The following GSN variants were observed in gnomAD, a reference collection of about 807,000 sequenced individuals.
GSN encodes the protein gelsolin, also known as actin-depolymerizing factor.
A neutral mutation model predicts 85.7 loss-of-function variants in GSN; 56 were observed. That is an observed-to-expected ratio of 0.65 (90% CI 0.53 to 0.82). The LOEUF (loss-of-function observed/expected upper bound fraction) is 0.82, where lower values mean the gene tolerates loss of function less well. Among genes scored for constraint, GSN ranks in the 40% least tolerant of loss-of-function variants. The pLI is 0.00. For missense variants in GSN, 857 were observed against 979.8 expected (o/e 0.87, Z 1.67); for synonymous variants, 373 against 399.1 (o/e 0.93, Z 0.78).
intron 5 of GSN, among the ~76,000 whole-genome samples, chr9:121,237,552 A>AAAAC (rs894604128): frequency 2.0e-5 from 3 of 152,286 alleles, no homozygotes; most frequent in Non-Finnish European, 2.9e-5. Context: ...CTCTGCCTCA[A>AAAAC]AAACAAACAA....
At chr9:121,315,253 A>C (rs753013261) in intron 7 of GSN, among the ~76,000 whole-genome samples, 1 of 152,170 alleles carries the variant, frequency 6.6e-6, no homozygotes, top group Admixed American at 6.5e-5. Flanking sequence ...TCTATAATAA[A>C]TCTCAACACG....
chr9:121,201,798 T>C, the GSN span: 2 of 152,500 alleles, frequency 1.3e-5, no homozygotes, highest in East Asian at 3.9e-4. Flanking sequence ...CCGGCAGCAG[T>C]AGCGGCAGTA....
chr9:121,215,889 T>C (rs1185810104), intron 4 of GSN, among the ~76,000 whole-genome samples: 1 of 152,108 alleles, frequency 6.6e-6, no homozygotes, highest in African/African-American at 2.4e-5. Flanking sequence ...CTATAATTGT[T>C]TGTAATTTAT....
intron 10 of GSN, 46 bp from the exon 11 acceptor site, chr9:121,321,222 G>T: frequency 6.2e-7 from 1 of 1,609,540 alleles, no homozygotes; most frequent in Non-Finnish European, 8.5e-7. Flanking sequence ...CTGAGCTGGG[G>T]GGTGGGGGTG....
At chr9:121,313,813 A>G in intron 6 of GSN, 121 bp from the exon 7 acceptor site, 1 of 803,578 alleles carries the variant, frequency 1.2e-6, no homozygotes, top group Non-Finnish European at 2.2e-6. Context: ...GGAGGAGGTC[A>G]GACTCCATGG....
At chr9:121,235,167 A>T (rs2054469005) in intron 5 of GSN, among the ~76,000 whole-genome samples, 1 of 152,220 alleles carries the variant, frequency 6.6e-6, no homozygotes, top group African/African-American at 2.4e-5. Context: ...GTTTGGCTTT[A>T]GCAATCTCGC....
intron 5 of GSN, chr9:121,311,923 A>G (rs1169913582): frequency 9.1e-6 from 2 of 219,710 alleles, no homozygotes; most frequent in African/African-American, 4.6e-5. Context: ...TTCTTGCACA[A>G]GTCTTTTGGT....
At position 121,314,630 on chromosome 9, in the gene GSN, T is replaced by C. The variant is rs139466190; in HGVS notation, c.753+607T>C. Among the ~76,000 whole-genome samples, 653 of 152,300 alleles carry C rather than the reference T, an allele frequency of 4.3e-3. 2 individuals are homozygous for C. The highest frequency in any genetic ancestry group is 0.015 in the African/African-American group (603 of 41,562). On this transcript the variant is annotated intron_variant, in intron 7 of 17. Coordinates refer to ENST00000432226, the MANE Select transcript of GSN (RefSeq NM_198252.3). ...AAAACTACTACATTATCGATTTTTT[T>C]TCTGATTATGAAGTAATACATGTTT...
chr9:121,320,333 C>T (rs528592163), intron 10 of GSN, among the ~76,000 whole-genome samples: 17 of 152,300 alleles, frequency 1.1e-4, no homozygotes, highest in African/African-American at 3.8e-4. Context: ...GTGTCCCTGC[C>T]TCTGCAGGTG....
chr9:121,235,544 G>A (rs1235564677), intron 5 of GSN, among the ~76,000 whole-genome samples: 2 of 152,196 alleles, frequency 1.3e-5, no homozygotes, highest in East Asian at 3.8e-4. Context: ...GTAATAAAAA[G>A]GCAAACTAGA....
intron 3 of GSN, among the ~76,000 whole-genome samples, chr9:121,302,372 G>A (rs972516771): frequency 4.6e-5 from 7 of 152,174 alleles, no homozygotes; most frequent in Non-Finnish European, 8.8e-5. Context: ...TCTGTCCTTT[G>A]GCAAGTCACT....
intron 6 of GSN, among the ~76,000 whole-genome samples, chr9:121,256,553 T>C (rs939573737): frequency 1.3e-5 from 2 of 151,884 alleles, no homozygotes; most frequent in African/African-American, 4.8e-5. Flanking sequence ...AGAAGTTGGC[T>C]GAAGGCTACA....
At chr9:121,227,044 GT>G (rs142671829) in intron 4 of GSN, among the ~76,000 whole-genome samples, 1,814 of 152,260 alleles carry the variant, frequency 0.012, 36 homozygotes, top group African/African-American at 0.041. Context: ...TCCAGACGTT[GT>G]CCCATGTGTC....
Position 121,276,723 on chromosome 9 carries a change from T to C in GSN, c.-102-4747T>C, listed in dbSNP as rs1416778812. Among the ~76,000 whole-genome samples, 4 of 152,026 alleles carry C rather than the reference T, an allele frequency of 2.6e-5. No homozygotes were observed. The East Asian group carries it at 7.7e-4, about 29-fold the overall frequency. On this transcript the variant is annotated intron_variant, in intron 1 of 17. Coordinates refer to ENST00000432226, the MANE Select transcript of GSN (RefSeq NM_198252.3). ...GCTGCTCTACCAAACCAAAATGATT[T>C]CAGTTCTCATGAAACCTAAGGCCTG... is the stretch of plus-strand genomic sequence containing the variant.
chr9:121,320,415 C>A (rs986359132), intron 10 of GSN, among the ~76,000 whole-genome samples: 1 of 152,110 alleles, frequency 6.6e-6, no homozygotes, highest in Non-Finnish European at 1.5e-5. Context: ...GTGGCCGAGG[C>A]GGGTGGATCA....
chr9:121,276,079 C>T (rs1320129543), intron 1 of GSN, among the ~76,000 whole-genome samples: 7 of 152,198 alleles, frequency 4.6e-5, no homozygotes, highest in Admixed American at 3.3e-4. Context: ...AATTCGTGTG[C>T]GAATTCAAGT....
chr9:121,315,108 ACCT>A (rs1357817603), intron 7 of GSN, among the ~76,000 whole-genome samples: 1 of 152,042 alleles, frequency 6.6e-6, no homozygotes, highest in Non-Finnish European at 1.5e-5. Flanking sequence ...TGATCTGCCC[ACCT>A]CAGCCTCCCA....
At position 121,318,722 on chromosome 9, in the gene GSN, T is replaced by G; in HGVS notation, c.1033T>G (p.Trp345Gly). The G allele has an allele frequency of 6.2e-7, 1 of 1,614,086 alleles. No individual in the cohort carries two copies. The highest frequency in any genetic ancestry group is 8.5e-7 in the Non-Finnish European group (1 of 1,179,940). Residue 345 changes from tryptophan to glycine, a missense_variant, in exon 10 of 18, where the codon TGG (tryptophan) becomes GGG (glycine). By Grantham distance (184) the Trp-to-Gly change is radical (BLOSUM62 -2). Transcript: ENST00000432226. The surrounding 1 kb of genome is among the most constrained non-coding windows in gnomAD (Gnocchi z 4.3). Reference sequence around the variant, plus strand: ...ACTGTTCAAGCAGTTCTTCAAGAACTGGCGGGACCCAGACCAGACAGATGG... The same window carrying G: ...ACTGTTCAAGCAGTTCTTCAAGAACGGGCGGGACCCAGACCAGACAGATGG... ...TPLFKQFFKNWRDPDQTDGLG... is the reference protein window; with the variant it reads ...TPLFKQFFKNGRDPDQTDGLG...
chr9:121,260,863 G>A (rs755283551), intron 6 of GSN, among the ~76,000 whole-genome samples: 8 of 152,222 alleles, frequency 5.3e-5, no homozygotes, highest in Non-Finnish European at 1.0e-4. Flanking sequence ...AGGGAGAAGG[G>A]AATGTAAGAA....
Sources: allele counts gnomAD v4.1 joint callset (sites outside exome capture counted in the v4.1 genomes callset), GRCh38; gene constraint gnomAD v4.1.1; non-coding constraint Gnocchi (gnomAD v3.1); transcripts MANE v1.5; gene names NCBI Gene and HGNC (gene_info 2026-07-23, HGNC 2026-07-21).